The following CXCL13 variants were observed in gnomAD, a reference collection of about 807,000 sequenced individuals.
CXCL13 encodes the protein C-X-C motif chemokine ligand 13, also known as C-X-C motif chemokine 13.
In CXCL13, 7 loss-of-function variants were observed where a neutral mutation model predicts 12.2. The ratio of observed to expected loss-of-function variants is 0.57; its 90% CI spans 0.33 to 1.07. CXCL13 has a LOEUF of 1.07. Among genes scored for constraint, CXCL13 ranks in the 50% least tolerant of loss-of-function variants. The probability of loss-of-function intolerance (pLI) is 0.04; values close to 1 mark genes in which losing one functional copy is unlikely to be tolerated. For missense variants in CXCL13, 113 were observed against 127.4 expected, an observed-to-expected ratio of 0.89 and a Z score of 0.55; for synonymous variants, 47 against 42.4, an observed-to-expected ratio of 1.11 and a Z score of -0.42.
intron 1 of CXCL13, among the ~76,000 whole-genome samples, chr4:77,581,072 G>A (rs1315487312): frequency 2.0e-5 from 3 of 152,088 alleles, no homozygotes; most frequent in Non-Finnish European, 4.4e-5. Context: ...ACGTAGGTTA[G>A]TGGTTGCTTG....
At chr4:77,548,171 G>A (rs996231690) in intron 1 of CXCL13, among the ~76,000 whole-genome samples, 9 of 152,156 alleles carry the variant, frequency 5.9e-5, no homozygotes, top group Admixed American at 2.0e-4. Context: ...ATGCTATTTA[G>A]AGTAGCATAA....
chr4:77,535,599 A>G (rs1338547714), intron 1 of CXCL13, among the ~76,000 whole-genome samples: 2 of 152,168 alleles, frequency 1.3e-5, no homozygotes, highest in African/African-American at 4.8e-5. Flanking sequence ...TAAAAATTCC[A>G]TGTGCATCCA....
In CXCL13 at chr4:77,531,053, A is replaced by G. The variant is rs150190490; in HGVS notation, c.-43+19265A>G. ...ATGTACCCAGTAGTCATTCAGGAGC[A>G]ATTTGTTCAGTTTCCATGTATTTGA... is the stretch of plus-strand genomic sequence containing the variant. On this transcript the variant is annotated intron_variant, in intron 1 of 4. Transcript: ENST00000286758. Among the ~76,000 whole-genome samples the G allele has an allele frequency of 9.1e-3, 1,366 of 150,750 alleles. 13 individuals carry two copies. The highest frequency in any genetic ancestry group is 0.031 in the African/African-American group (1,291 of 41,096).
chr4:77,534,627 T>C (rs917900482), intron 1 of CXCL13, among the ~76,000 whole-genome samples: 2 of 152,224 alleles, frequency 1.3e-5, no homozygotes, highest in Non-Finnish European at 1.5e-5. Context: ...TCTACAATGA[T>C]CTAAAAATAA....
chr4:77,539,705 T>C (rs1454275007), intron 1 of CXCL13, among the ~76,000 whole-genome samples: 1 of 152,222 alleles, frequency 6.6e-6, no homozygotes, highest in East Asian at 1.9e-4. Context: ...GAGATCTTTT[T>C]GGGAAGCTGC....
intron 1 of CXCL13, among the ~76,000 whole-genome samples, chr4:77,589,067 A>T (rs552686339): frequency 6.6e-6 from 1 of 152,212 alleles, no homozygotes; most frequent in South Asian, 2.1e-4. Flanking sequence ...AAATGCTTAC[A>T]AGAGCCTTCC....
Position 77,517,792 on chromosome 4 carries a change from A to G in CXCL13, c.-43+6004A>G, listed in dbSNP as rs1341719993. ...CCAGTCTGTGTCTTTTAATTGGAGC[A>G]TTGAGTCCATTTACATTTAAAGTTA... On this transcript the variant is annotated intron_variant, in intron 1 of 4. Coordinates refer to the CXCL13 transcript ENST00000286758. Among the ~76,000 whole-genome samples the G allele has an allele frequency of 2.0e-5, 3 of 152,314 alleles. No individual in the cohort carries two copies. In the East Asian group the frequency reaches 5.8e-4, roughly 29 times the overall value.
intron 1 of CXCL13, among the ~76,000 whole-genome samples, chr4:77,599,549 G>T (rs1299185256): frequency 1.3e-5 from 2 of 152,188 alleles, no homozygotes; most frequent in East Asian, 3.9e-4. Flanking sequence ...AACGTAAATT[G>T]GAGTACTTGG....
chr4:77,526,544 A>G (rs1463074478), intron 1 of CXCL13, among the ~76,000 whole-genome samples: 1 of 152,252 alleles, frequency 6.6e-6, no homozygotes, highest in East Asian at 1.9e-4. Flanking sequence ...TCAAATCTAC[A>G]TGAAGCAACC....
chr4:77,553,016 G>A (rs1164640153), intron 1 of CXCL13, among the ~76,000 whole-genome samples: 2 of 152,216 alleles, frequency 1.3e-5, no homozygotes, highest in Non-Finnish European at 2.9e-5. Flanking sequence ...CAGGCAAGGG[G>A]ATGGTACTCT....
intron 2 of CXCL13, among the ~76,000 whole-genome samples, chr4:77,608,304 G>A (rs755421269): frequency 2.6e-5 from 4 of 152,124 alleles, no homozygotes; most frequent in African/African-American, 7.2e-5. Flanking sequence ...GCCGGGTGTG[G>A]TGGTTCATGC....
chr4:77,590,465 A>AT (rs1726577428), intron 1 of CXCL13, among the ~76,000 whole-genome samples: 1 of 152,222 alleles, frequency 6.6e-6, no homozygotes, highest in Non-Finnish European at 1.5e-5. Flanking sequence ...AAAATAAATG[A>AT]TTTTCAACAG....
chr4:77,520,135 A>G (rs1724551692), intron 1 of CXCL13, among the ~76,000 whole-genome samples: 1 of 152,138 alleles, frequency 6.6e-6, no homozygotes, highest in East Asian at 1.9e-4. Context: ...GTATAGTTTG[A>G]GGTCAGGTAG....
chr4:77,562,016 G>A (rs1280380953), intron 1 of CXCL13, among the ~76,000 whole-genome samples: 2 of 152,186 alleles, frequency 1.3e-5, no homozygotes, highest in African/African-American at 2.4e-5. Flanking sequence ...ACCTGGGCCA[G>A]CAGCTGCGGA....
intron 1 of CXCL13, among the ~76,000 whole-genome samples, chr4:77,512,214 A>G (rs1724295225): frequency 6.6e-6 from 1 of 152,228 alleles, no homozygotes; most frequent in Non-Finnish European, 1.5e-5. Context: ...TTCTCATTAG[A>G]TTCATCCTGA....
chr4:77,525,989 A>G (rs951135034), intron 1 of CXCL13, among the ~76,000 whole-genome samples: 1 of 151,748 alleles, frequency 6.6e-6, no homozygotes, highest in Non-Finnish European at 1.5e-5. Flanking sequence ...ACAACATGAC[A>G]AACAATGAGC....
chr4:77,536,952 A>G (rs149284114), intron 1 of CXCL13, among the ~76,000 whole-genome samples: 21 of 152,186 alleles, frequency 1.4e-4, no homozygotes, highest in Non-Finnish European at 1.9e-4. Context: ...AGAGCATATT[A>G]TCTTTGAAGT....
intron 1 of CXCL13, among the ~76,000 whole-genome samples, chr4:77,606,144 A>G (rs1187311139): frequency 6.6e-6 from 1 of 152,238 alleles, no homozygotes; most frequent in Non-Finnish European, 1.5e-5. Context: ...TAGCAAAAAG[A>G]GATACCACAA....
chr4:77,542,132 G>A (rs557902193), intron 1 of CXCL13, among the ~76,000 whole-genome samples: 3 of 152,176 alleles, frequency 2.0e-5, no homozygotes, highest in African/African-American at 7.2e-5. Flanking sequence ...GATTTTCTAG[G>A]TATAGAATCA....
Sources: gnomAD v4.1 joint callset for allele counts (sites outside exome capture counted in the v4.1 genomes callset) on GRCh38, gnomAD v4.1.1 for gene constraint, MANE v1.5 for transcripts, NCBI Gene and HGNC (gene_info 2026-07-23, HGNC 2026-07-21) for gene names.